Variants in PCDHA13 observed in about 807,000 individuals in gnomAD.
PCDHA13 encodes the protein protocadherin alpha 13, also known as protocadherin alpha-13.
In PCDHA13, 54 loss-of-function variants were observed where a neutral mutation model predicts 64.8. The ratio of observed to expected loss-of-function variants is 0.83; its 90% CI spans 0.67 to 1.04. PCDHA13 has a LOEUF of 1.04. Among genes scored for constraint, PCDHA13 ranks in the 50% least tolerant of loss-of-function variants. The probability of loss-of-function intolerance (pLI) is 0.00; values close to 1 mark genes in which losing one functional copy is unlikely to be tolerated. For missense variants in PCDHA13, 1,248 were observed against 1,254.3 expected (o/e 0.99, Z 0.08); for synonymous variants, 587 against 564.4 (o/e 1.04, Z -0.57).
At chr5:141,005,478 C>T (rs1021420332) in intron 3 of PCDHA13, among the ~76,000 whole-genome samples, 8 of 151,550 alleles carry the variant, frequency 5.3e-5, no homozygotes, top group East Asian at 3.9e-4. Context: ...CCGAGACGGG[C>T]GGATCATGAG....
rs781784485 is a variant in PCDHA13, at chr5:140,883,972, C to T, written c.1704C>T (p.Pro568=). Residue 568 remains proline, a synonymous_variant, in exon 1 of 4, where the codon CCC becomes CCT. Transcript: ENST00000289272. ...ENDNAPALLT[P]GAGSAGGTVS... ...ACAACGCTCCGGCGCTGCTGACGCC[C>T]GGGGCTGGCAGCGCGGGAGGCACAG... 1.2e-6 allele frequency: 2 copies of T among 1,612,972 alleles called. No individual in the cohort carries two copies. The highest frequency in any genetic ancestry group is 8.5e-7 in the Non-Finnish European group (1 of 1,179,678).
intron 1 of PCDHA13, among the ~76,000 whole-genome samples, chr5:140,921,440 G>A (rs1026829665): frequency 6.6e-6 from 1 of 152,056 alleles, no homozygotes; most frequent in Non-Finnish European, 1.5e-5. Flanking sequence ...CTTCAATGGT[G>A]TCTGAAAAGG....
chr5:140,945,516 A>C (rs1192013721), intron 1 of PCDHA13, among the ~76,000 whole-genome samples: 2 of 152,154 alleles, frequency 1.3e-5, no homozygotes, highest in Non-Finnish European at 2.9e-5. Flanking sequence ...AAAGTAAATA[A>C]ATAAATAAAA....
chr5:140,915,626 G>GTCCC (rs1554196996), intron 1 of PCDHA13, among the ~76,000 whole-genome samples: 2 of 146,436 alleles, frequency 1.4e-5, no homozygotes, highest in Non-Finnish European at 3.0e-5. Flanking sequence ...GTCTCTTTCT[G>GTCCC]TCTCTCTCTC....
At chr5:140,884,917 C>G (rs1343503909) in intron 1 of PCDHA13, among the ~76,000 whole-genome samples, 1 of 152,168 alleles carries the variant, frequency 6.6e-6, no homozygotes, top group Non-Finnish European at 1.5e-5. Flanking sequence ...CTTAATAGTT[C>G]TAAGTATTTA....
At chr5:140,948,708 C>T (rs1376587735) in intron 1 of PCDHA13, among the ~76,000 whole-genome samples, 1 of 151,114 alleles carries the variant, frequency 6.6e-6, no homozygotes, top group Non-Finnish European at 1.5e-5. Flanking sequence ...TGTGTTCTAT[C>T]CTCTTTTTTA....
Position 140,883,557 on chromosome 5 carries a change from G to T in PCDHA13, c.1289G>T (p.Gly430Val). The T allele has an allele frequency of 6.2e-7, 1 of 1,614,214 alleles. No homozygotes were observed. Among genetic ancestry groups the T allele is most frequent in the South Asian group, 1.1e-5 (1 of 91,080 alleles). Residue 430 changes from glycine (G) to valine (V), a missense_variant, in exon 1 of 4, where the codon GGG becomes GTG. Gly to Val is a moderately radical substitution (Grantham distance 109, BLOSUM62 -3). Coordinates refer to ENST00000289272, the MANE Select transcript of PCDHA13 (RefSeq NM_018904.3). Reference protein sequence around the residue: ...AYELVVTARDGGSPSLWATAS... With the variant: ...AYELVVTARDVGSPSLWATAS... ...GAACTGGTGGTGACCGCGCGGGACG[G>T]GGGCTCGCCTTCGCTGTGGGCCACG...
chr5:141,001,520 C>G (rs542518188), intron 3 of PCDHA13, among the ~76,000 whole-genome samples: 1 of 152,300 alleles, frequency 6.6e-6, no homozygotes, highest in South Asian at 2.1e-4. Flanking sequence ...CTTTCTCCCT[C>G]TCTCTCTGAT....
At position 140,884,209 on chromosome 5, in the gene PCDHA13, T is replaced by G. The variant is rs1159344104; in HGVS notation, c.1941T>G (p.Leu647=). The G allele has an allele frequency of 3.7e-6, 6 of 1,613,276 alleles. No individual in the cohort carries two copies. Among genetic ancestry groups the G allele is most frequent in the Non-Finnish European group, 3.4e-6 (4 of 1,179,714 alleles). Residue 647 remains leucine (L), a synonymous_variant, in exon 1 of 4, where the codon CTT becomes CTG. Coordinates refer to ENST00000289272, the MANE Select transcript of PCDHA13 (RefSeq NM_018904.3). The stretch of plus-strand genomic sequence containing the variant: ...AGGTGGACGCGCCGCACCACCGCCT[T>G]CTGGTGCTGGTGAAGGACCACGGTG... The part of the protein sequence containing the change: ...LDEVDAPHHR[L]LVLVKDHGEP...
At chr5:141,001,985 GAAGTTC>G in intron 3 of PCDHA13, among the ~76,000 whole-genome samples, 1 of 152,312 alleles carries the variant, frequency 6.6e-6, no homozygotes, top group Admixed American at 6.5e-5. Context: ...GGAAAGCCTG[GAAGTTC>G]ACTTGCAAAC....
intron 1 of PCDHA13, among the ~76,000 whole-genome samples, chr5:140,964,379 C>T (rs2095828218): frequency 6.6e-6 from 1 of 152,130 alleles, no homozygotes; most frequent in Non-Finnish European, 1.5e-5. Flanking sequence ...AAAGGAGAGT[C>T]CTGGTTTTTC....
Position 140,920,248 on chromosome 5 carries a change from C to T in PCDHA13, c.2394+35586C>T, listed in dbSNP as rs77829363. 2.9e-3 allele frequency among the ~76,000 whole-genome samples: 443 copies of T among 152,218 alleles called. 1 individual carries two copies. The highest frequency in any genetic ancestry group is 0.01 in the African/African-American group (423 of 41,510). Reference sequence around the variant, plus strand: ...TAGTATTATATACCCAACAATACATCGCTATAATAATTATTACTTTATGTA... The same window carrying T: ...TAGTATTATATACCCAACAATACATTGCTATAATAATTATTACTTTATGTA... On this transcript the variant is annotated intron_variant, in intron 1 of 3. Coordinates refer to ENST00000289272, the MANE Select transcript of PCDHA13 (RefSeq NM_018904.3).
intron 1 of PCDHA13, among the ~76,000 whole-genome samples, chr5:140,942,620 A>C (rs1304224304): frequency 3.5e-5 from 1 of 28,710 alleles, no homozygotes; most frequent in African/African-American, 2.6e-4. Context: ...TGCCAATTGT[A>C]AAAAAAAAAA....
chr5:141,002,649 T>C (rs2098089134), intron 3 of PCDHA13, among the ~76,000 whole-genome samples: 2 of 152,214 alleles, frequency 1.3e-5, no homozygotes, highest in South Asian at 2.1e-4. Context: ...GTCTACTTCA[T>C]AGGGCTCTTG....
intron 1 of PCDHA13, among the ~76,000 whole-genome samples, chr5:140,952,174 A>T (rs1376987356): frequency 6.6e-6 from 1 of 152,096 alleles, no homozygotes; most frequent in Non-Finnish European, 1.5e-5. Flanking sequence ...CAGTTCCTGC[A>T]GCTGCTCTCA....
chr5:140,895,905 G>A (rs987746254), intron 1 of PCDHA13, among the ~76,000 whole-genome samples: 4 of 152,076 alleles, frequency 2.6e-5, no homozygotes, highest in Admixed American at 1.3e-4. Context: ...TCCGCGTCCC[G>A]GGCTCAACAA....
At chr5:140,924,480 T>C (rs2081865040) in intron 1 of PCDHA13, among the ~76,000 whole-genome samples, 1 of 152,178 alleles carries the variant, frequency 6.6e-6, no homozygotes, top group Non-Finnish European at 1.5e-5. Flanking sequence ...TGGTTTTTAG[T>C]GGAACACTGG....
At chr5:140,959,751 T>C (rs553950058) in intron 1 of PCDHA13, among the ~76,000 whole-genome samples, 12 of 152,210 alleles carry the variant, frequency 7.9e-5, no homozygotes, top group Non-Finnish European at 1.8e-4. Flanking sequence ...CCTTAAAGTA[T>C]ATTTTAATAT....
In PCDHA13 at chr5:140,967,909, C is replaced by T. The variant is rs140881563; in HGVS notation, c.2395-11040C>T. The T allele has an allele frequency of 5.0e-5, 81 of 1,614,206 alleles. No individual in the cohort carries two copies. In the African/African-American group the frequency reaches 9.1e-4, roughly 18 times the overall value. ...CAGTGCCTGAGAATGCTACACCCAACACCATTGTGGCCGTTCTCAGTGTCA... is the reference window on the plus strand; with the variant it reads ...CAGTGCCTGAGAATGCTACACCCAATACCATTGTGGCCGTTCTCAGTGTCA... On this transcript the variant is annotated intron_variant, in intron 1 of 3. Coordinates refer to ENST00000289272, the MANE Select transcript of PCDHA13 (RefSeq NM_018904.3).
Sources: gnomAD v4.1 joint callset for allele counts (sites outside exome capture counted in the v4.1 genomes callset) on GRCh38, gnomAD v4.1.1 for gene constraint, MANE v1.5 for transcripts, NCBI Gene and HGNC (gene_info 2026-07-23, HGNC 2026-07-21) for gene names.